The following KDM4C variants were observed in gnomAD, a reference collection of about 807,000 sequenced individuals.
The protein encoded by KDM4C is lysine demethylase 4C, also known as lysine-specific demethylase 4C.
A neutral mutation model predicts 129.3 loss-of-function variants in KDM4C; 81 were observed. The observed-to-expected ratio is 0.63, with a 90% CI of 0.52 to 0.75. The LOEUF is 0.75. KDM4C is among the 30% of genes least tolerant of loss of function. KDM4C has a pLI of 0.00. For synonymous variants in KDM4C, 573 were observed against 456.1 expected (o/e 1.26, Z -3.26); for missense variants, 1,457 against 1,304.0 (o/e 1.12, Z -1.81).
At chr9:6,861,786 T>C (rs1840976865) in intron 5 of KDM4C, among the ~76,000 whole-genome samples, 1 of 151,836 alleles carries the variant, frequency 6.6e-6, no homozygotes, top group Non-Finnish European at 1.5e-5. Context: ...TTCTTTTTTT[T>C]TTTTCTCGAG....
At chr9:7,040,406 C>T (rs12342504) in intron 15 of KDM4C, among the ~76,000 whole-genome samples, 140 of 93,082 alleles carry the variant, frequency 1.5e-3, no homozygotes, top group African/African-American at 5.5e-3. Context: ...TGTGTGTGTG[C>T]GTGTGTATGT....
chr9:7,014,567 A>G (rs1823304164), intron 14 of KDM4C, among the ~76,000 whole-genome samples: 1 of 152,134 alleles, frequency 6.6e-6, no homozygotes. Flanking sequence ...AGTGGTAAAT[A>G]TTTATTGGTC....
intron 1 of KDM4C, chr9:6,734,756 C>T (rs1006366508): frequency 4.9e-5 from 18 of 368,050 alleles, no homozygotes; most frequent in South Asian, 3.0e-4. Context: ...TGTATATAAG[C>T]CTCTCACCTA....
At chr9:7,076,530 C>T (rs1470230613) in intron 17 of KDM4C, 1 of 1,539,676 alleles carries the variant, frequency 6.5e-7, no homozygotes, top group Non-Finnish European at 8.7e-7. Context: ...AAGTTACATC[C>T]CCTCCGCCAC....
chr9:6,916,766 A>G (rs2131147127), intron 8 of KDM4C, among the ~76,000 whole-genome samples: 1 of 152,310 alleles, frequency 6.6e-6, no homozygotes, highest in South Asian at 2.1e-4. Flanking sequence ...ATACTTACTA[A>G]GAGGATTATG....
rs866457315 is a variant in KDM4C at position 7,105,597 on chromosome 9, T to C, written c.2610+1727T>C. The C allele has an allele frequency of 4.9e-5, 19 of 390,686 alleles. 1 individual carries two copies. The Middle Eastern group carries it at 5.8e-3, about 119-fold the overall frequency. 24.2% of individuals were successfully genotyped at this position (390,686 alleles called of 1,614,324 possible). On this transcript the variant is annotated intron_variant, in intron 18 of 21. Coordinates refer to ENST00000381309, the MANE Select transcript of KDM4C (RefSeq NM_015061.6). ...GATGCAGATAATGAGTGGCAGGTGC[T>C]GGAATGTAAATGCCTTTTTAGCTCA...
chr9:7,014,781 A>C (rs554300745), intron 14 of KDM4C, among the ~76,000 whole-genome samples: 1 of 152,092 alleles, frequency 6.6e-6, no homozygotes, highest in African/African-American at 2.4e-5. Flanking sequence ...ATTCCTTTGT[A>C]TTAGGGTTGA....
intron 17 of KDM4C, among the ~76,000 whole-genome samples, chr9:7,078,621 A>G (rs1450325843): frequency 6.6e-6 from 1 of 152,158 alleles, no homozygotes; most frequent in Non-Finnish European, 1.5e-5. Flanking sequence ...CATGTTTTCC[A>G]TTATTGTCTT....
At chr9:7,071,732 A>T (rs932747062) in intron 17 of KDM4C, among the ~76,000 whole-genome samples, 41 of 152,198 alleles carry the variant, frequency 2.7e-4, no homozygotes, top group African/African-American at 9.9e-4. Flanking sequence ...TCTTAGATAA[A>T]TAGATCAAAA....
At chr9:7,162,303 T>G (rs986160312) in intron 19 of KDM4C, among the ~76,000 whole-genome samples, 6 of 152,148 alleles carry the variant, frequency 3.9e-5, no homozygotes, top group African/African-American at 1.4e-4. Context: ...CATGAAAGAT[T>G]ATGAATTTTA....
At chr9:7,092,361 C>A (rs1022944880) in intron 17 of KDM4C, among the ~76,000 whole-genome samples, 1 of 152,080 alleles carries the variant, frequency 6.6e-6, no homozygotes, top group African/African-American at 2.4e-5. Context: ...TTGAGTTAGC[C>A]TGAAAATCTG....
At chr9:6,725,580 C>G (rs936633125) in intron 1 of KDM4C, among the ~76,000 whole-genome samples, 1 of 151,928 alleles carries the variant, frequency 6.6e-6, no homozygotes, top group African/African-American at 2.4e-5. Context: ...CTCTGTCTCC[C>G]CGGATCAAGC....
At chr9:6,731,325 C>CTTTTTTTTTT (rs34724329) in intron 1 of KDM4C, among the ~76,000 whole-genome samples, 4 of 114,052 alleles carry the variant, frequency 3.5e-5, no homozygotes, top group Non-Finnish European at 5.2e-5. Context: ...TTTTTTTTTG[C>CTTTTTTTTTT]TTTTTTTTTT....
intron 21 of KDM4C, among the ~76,000 whole-genome samples, chr9:7,172,743 G>A (rs1039376849): frequency 6.6e-6 from 1 of 152,176 alleles, no homozygotes; most frequent in Non-Finnish European, 1.5e-5. Context: ...CTTCCTTGTG[G>A]CTGTTTTCTT....
chr9:7,060,830 C>T (rs937958172), intron 17 of KDM4C, among the ~76,000 whole-genome samples: 52 of 152,204 alleles, frequency 3.4e-4, no homozygotes, highest in African/African-American at 1.2e-3. Context: ...GTTGCGTGGG[C>T]ATGCATATTT....
chr9:6,821,307 C>T (rs1832990140), intron 4 of KDM4C, among the ~76,000 whole-genome samples: 2 of 152,178 alleles, frequency 1.3e-5, no homozygotes, highest in African/African-American at 4.8e-5. Context: ...CTGTCTTCCA[C>T]AGTGGTTGAA....
chr9:6,840,178 T>C (rs1454860889), intron 4 of KDM4C, among the ~76,000 whole-genome samples: 4 of 151,688 alleles, frequency 2.6e-5, no homozygotes, highest in African/African-American at 9.7e-5. Flanking sequence ...GCTAAGGTGC[T>C]CTTTCTACCT....
At chr9:7,089,481 G>A (rs1686522585) in intron 17 of KDM4C, among the ~76,000 whole-genome samples, 2 of 152,176 alleles carry the variant, frequency 1.3e-5, no homozygotes, top group Admixed American at 6.5e-5. Context: ...TGGATTTTCT[G>A]AATTTTTCTA....
At chr9:6,848,825 A>G (rs751051969) in intron 4 of KDM4C, among the ~76,000 whole-genome samples, 4 of 152,240 alleles carry the variant, frequency 2.6e-5, no homozygotes, top group Non-Finnish European at 5.9e-5. Context: ...CAGTTTTACC[A>G]AAGTTGGGAT....
Sources: allele counts gnomAD v4.1 joint callset (sites outside exome capture counted in the v4.1 genomes callset), GRCh38; gene constraint gnomAD v4.1.1; transcripts MANE v1.5; gene names NCBI Gene and HGNC (gene_info 2026-07-23, HGNC 2026-07-21).